GRIP1: variants seen among roughly 807,000 people sequenced by gnomAD.
The protein encoded by GRIP1 is glutamate receptor-interacting protein 1.
A neutral mutation model predicts 129.9 loss-of-function variants in GRIP1; 45 were observed. The observed-to-expected ratio is 0.35, with a 90% CI of 0.27 to 0.44. The LOEUF (loss-of-function observed/expected upper bound fraction) is 0.44. Ranked by LOEUF, GRIP1 falls within the 20% of genes least tolerant of loss-of-function variation. GRIP1 has a pLI of 1.00. For synonymous variants in GRIP1, 530 were observed against 520.8 expected, an observed-to-expected ratio of 1.02 and a Z score of -0.24; for missense variants, 1,196 against 1,396.8, an observed-to-expected ratio of 0.86 and a Z score of 2.29.
chr12:66,514,285 G>T (rs969216470), intron 7 of GRIP1, among the ~76,000 whole-genome samples: 1 of 152,084 alleles, frequency 6.6e-6, no homozygotes, highest in Non-Finnish European at 1.5e-5. Flanking sequence ...TCAAATACCT[G>T]CTTCAATTTT....
intron 1 of GRIP1, among the ~76,000 whole-genome samples, chr12:66,777,982 G>A (rs566224482): frequency 6.6e-6 from 1 of 152,136 alleles, no homozygotes; most frequent in East Asian, 1.9e-4. Flanking sequence ...CTTGAAACAC[G>A]CTAGTCCACA....
At chr12:66,447,964 C>T (rs903517193) in intron 11 of GRIP1, among the ~76,000 whole-genome samples, 2 of 152,202 alleles carry the variant, frequency 1.3e-5, no homozygotes, top group African/African-American at 2.4e-5. Flanking sequence ...GAGTGTCTTA[C>T]TTTTTCAGCC....
At chr12:66,628,484 T>C (rs534401472) in intron 1 of GRIP1, among the ~76,000 whole-genome samples, 1 of 152,336 alleles carries the variant, frequency 6.6e-6, no homozygotes, top group Non-Finnish European at 1.5e-5. Context: ...CCTCCTCTCC[T>C]GCTTCCTCCA....
intron 7 of GRIP1, among the ~76,000 whole-genome samples, chr12:66,468,802 G>A (rs2059358741): frequency 6.6e-6 from 1 of 151,956 alleles, no homozygotes; most frequent in Non-Finnish European, 1.5e-5. Flanking sequence ...AATGATAGGA[G>A]TAGGAGTATT....
chr12:66,581,024 G>C (rs375025168), intron 2 of GRIP1, among the ~76,000 whole-genome samples: 2,561 of 152,126 alleles, frequency 0.017, 66 homozygotes, highest in African/African-American at 0.058. Flanking sequence ...CTCTCCTCAG[G>C]AAATGTAAAA....
chr12:66,455,297 C>T (rs764698526), intron 11 of GRIP1, 112 bp downstream of exon 11: 62 of 971,776 alleles, frequency 6.4e-5, no homozygotes, highest in Non-Finnish European at 1.3e-5. Flanking sequence ...CAGCATCTAC[C>T]TGATCACTTA....
rs1406416797 is a variant in GRIP1, at chr12:66,541,881, G to A, written c.206C>T (p.Ser69Leu). ...CTTGCCATCCTTATCAATTCCTCCCGATACCGTCAGACCCAGGGTAGTGCC... is the reference window on the plus strand; with the variant it reads ...CTTGCCATCCTTATCAATTCCTCCCAATACCGTCAGACCCAGGGTAGTGCC... ...KEGTTLGLTVSGGIDKDGKPR... is the reference protein window; with the variant it reads ...KEGTTLGLTVLGGIDKDGKPR... Residue 69 changes from serine (S) to leucine (L), a missense_variant, in exon 3 of 25, where the codon TCG (serine) becomes TTG (leucine). Ser to Leu is a moderately radical substitution (Grantham distance 145). Around this residue, in one of 5 missense-constraint regions of GRIP1, gnomAD observed 217 missense variants for 224.8 expected, o/e 0.97. Coordinates refer to ENST00000359742, the MANE Select transcript of GRIP1 (RefSeq NM_001366722.1). The A allele has an allele frequency of 8.1e-6, 13 of 1,613,618 alleles. No homozygotes were observed. The highest frequency in any genetic ancestry group is 3.3e-5 in the South Asian group (3 of 91,076).
intron 1 of GRIP1, among the ~76,000 whole-genome samples, chr12:66,781,308 C>G (rs1223845563): frequency 6.6e-6 from 1 of 152,070 alleles, no homozygotes; most frequent in African/African-American, 2.4e-5. Context: ...AAAAACTGTG[C>G]CAGGGGAAGT....
intron 1 of GRIP1, among the ~76,000 whole-genome samples, chr12:66,728,298 T>C (rs1432701132): frequency 6.6e-6 from 1 of 152,216 alleles, no homozygotes; most frequent in Non-Finnish European, 1.5e-5. Context: ...TTATAAAATA[T>C]GAGTCCAGAT....
intron 1 of GRIP1, among the ~76,000 whole-genome samples, chr12:66,690,586 C>T (rs948599482): frequency 1.3e-5 from 2 of 151,314 alleles, no homozygotes; most frequent in African/African-American, 4.9e-5. Flanking sequence ...ATTTTTTAGA[C>T]CAAGCACGAT....
At chr12:66,568,678 AT>A in intron 2 of GRIP1, 1 of 227,000 alleles carries the variant, frequency 4.4e-6, no homozygotes. Flanking sequence ...ATTCATCAGC[AT>A]TGTAGAATTC....
At chr12:66,485,011 A>T (rs1454525087) in intron 7 of GRIP1, among the ~76,000 whole-genome samples, 3 of 152,180 alleles carry the variant, frequency 2.0e-5, no homozygotes, top group Non-Finnish European at 4.4e-5. Flanking sequence ...GTCTTTGGTG[A>T]GAATGGGTAT....
At chr12:66,800,598 T>C (rs2038830148) in intron 1 of GRIP1, among the ~76,000 whole-genome samples, 1 of 152,034 alleles carries the variant, frequency 6.6e-6, no homozygotes, top group Non-Finnish European at 1.5e-5. Flanking sequence ...GACAATAGAA[T>C]CAGACATTTT....
At chr12:66,475,439 G>C (rs889719387) in intron 7 of GRIP1, among the ~76,000 whole-genome samples, 1 of 152,104 alleles carries the variant, frequency 6.6e-6, no homozygotes, top group African/African-American at 2.4e-5. Flanking sequence ...AAGTTAACAA[G>C]GATATCCAGG....
chr12:66,601,487 A>G (rs2064276367), intron 1 of GRIP1, among the ~76,000 whole-genome samples: 1 of 152,150 alleles, frequency 6.6e-6, no homozygotes, highest in Non-Finnish European at 1.5e-5. Flanking sequence ...ATGCAGAGGC[A>G]CCCGATATGA....
chr12:66,414,881 C>T (rs2057532082), intron 15 of GRIP1, among the ~76,000 whole-genome samples: 1 of 148,758 alleles, frequency 6.7e-6, no homozygotes, highest in South Asian at 2.1e-4. Context: ...ACTGGGAGAA[C>T]TGGCTAATCG....
rs575644047 is a variant in GRIP1 at position 66,642,605 on chromosome 12, G to A, written c.55+36245C>T. Among the ~76,000 whole-genome samples the A allele has an allele frequency of 8.1e-4, 123 of 152,274 alleles. No individual in the cohort carries two copies. The South Asian group carries it at 0.023, about 29-fold the overall frequency. ...CTTTAGGAAGAACCCTATGGATGCC[G>A]GGTGGAGAATGGGTTGAAAGGGATC... On this transcript the variant is annotated intron_variant, in intron 1 of 24. Transcript: ENST00000359742.
At chr12:66,429,538 A>C (rs2058084733) in intron 14 of GRIP1, among the ~76,000 whole-genome samples, 1 of 151,894 alleles carries the variant, frequency 6.6e-6, no homozygotes, top group South Asian at 2.1e-4. Flanking sequence ...CTCTACAAAA[A>C]TTTAAAAATT....
intron 1 of GRIP1, among the ~76,000 whole-genome samples, chr12:66,949,647 T>A (rs1304549339): frequency 6.6e-6 from 1 of 152,134 alleles, no homozygotes. Flanking sequence ...CAAAAGTGCA[T>A]TAAAGGTAAT....
Sources: gnomAD v4.1 joint callset for allele counts (sites outside exome capture counted in the v4.1 genomes callset) on GRCh38, gnomAD v4.1.1 for gene constraint, gnomAD v4.1.1 regional missense constraint, MANE v1.5 for transcripts, NCBI Gene and HGNC (gene_info 2026-07-23, HGNC 2026-07-21) for gene names.